Variants in EXOC4 observed in about 807,000 individuals in gnomAD.
EXOC4 encodes the protein SEC8-like 1.
A neutral mutation model predicts 107.2 loss-of-function variants in EXOC4; 71 were observed. That is an observed-to-expected ratio of 0.66 (90% confidence interval 0.55 to 0.81). The LOEUF (loss-of-function observed/expected upper bound fraction) is 0.81, where lower values mean the gene tolerates loss of function less well. Among genes scored for constraint, EXOC4 ranks in the 30% least tolerant of loss-of-function variants. EXOC4 has a pLI of 0.00. For synonymous variants in EXOC4, 456 were observed against 441.2 expected, an observed-to-expected ratio of 1.03 and a Z score of -0.42; for missense variants, 1,108 against 1,189.6, an observed-to-expected ratio of 0.93 and a Z score of 1.01.
chr7:133,832,886 T>A (rs1351651750), intron 11 of EXOC4, among the ~76,000 whole-genome samples: 2 of 152,116 alleles, frequency 1.3e-5, no homozygotes, highest in Non-Finnish European at 2.9e-5. Context: ...AACAAGTATA[T>A]CACAATGGTA....
At chr7:133,418,834 C>T (rs1368337298) in intron 7 of EXOC4, among the ~76,000 whole-genome samples, 1 of 152,096 alleles carries the variant, frequency 6.6e-6, no homozygotes, top group Non-Finnish European at 1.5e-5. Context: ...TATTTTATAG[C>T]GAACTTCTAT....
chr7:133,698,969 C>CTG (rs10634387), intron 10 of EXOC4, among the ~76,000 whole-genome samples: 150,195 of 152,274 alleles, frequency 0.99, 74,119 homozygotes, highest in Middle Eastern at 1. Context: ...TCTTGTAAAA[C>CTG]TGCACTACCT....
chr7:133,543,999 T>C (rs1335253078), intron 9 of EXOC4, among the ~76,000 whole-genome samples: 1 of 152,176 alleles, frequency 6.6e-6, no homozygotes, highest in African/African-American at 2.4e-5. Context: ...TTTTGAATTA[T>C]TTCTTTCTGA....
chr7:133,492,546 G>A (rs1284593956), intron 9 of EXOC4, among the ~76,000 whole-genome samples: 3 of 152,112 alleles, frequency 2.0e-5, no homozygotes, highest in Non-Finnish European at 2.9e-5. Context: ...TCAGCAGTTT[G>A]TGATTACTCA....
At chr7:133,256,086 A>T (rs1795011633) in intron 1 of EXOC4, among the ~76,000 whole-genome samples, 2 of 151,308 alleles carry the variant, frequency 1.3e-5, no homozygotes, top group Admixed American at 6.6e-5. Context: ...GGTTCACACC[A>T]TTCTCCTGCC....
At chr7:133,669,782 G>A (rs980678995) in intron 10 of EXOC4, among the ~76,000 whole-genome samples, 3 of 152,194 alleles carry the variant, frequency 2.0e-5, no homozygotes, top group African/African-American at 7.2e-5. Context: ...TTCCACTCAT[G>A]TAAAGCTCCT....
At chr7:133,633,107 G>C (rs1802628685) in intron 10 of EXOC4, among the ~76,000 whole-genome samples, 1 of 152,120 alleles carries the variant, frequency 6.6e-6, no homozygotes, top group South Asian at 2.1e-4. Context: ...ATCCTTACCT[G>C]CAAGCTCCTC....
chr7:133,693,816 C>A (rs543172602), intron 10 of EXOC4, among the ~76,000 whole-genome samples: 1 of 152,148 alleles, frequency 6.6e-6, no homozygotes, highest in Non-Finnish European at 1.5e-5. Flanking sequence ...TAGGAAGACA[C>A]AACTAAGGTC....
At chr7:133,450,483 C>T (rs749396378) in intron 7 of EXOC4, among the ~76,000 whole-genome samples, 1 of 152,094 alleles carries the variant, frequency 6.6e-6, no homozygotes, top group Non-Finnish European at 1.5e-5. Context: ...TGAAATGTAT[C>T]TTTTCCTCAC....
chr7:134,042,147 A>C (rs1795535923), intron 17 of EXOC4, among the ~76,000 whole-genome samples: 1 of 152,188 alleles, frequency 6.6e-6, no homozygotes, highest in South Asian at 2.1e-4. Context: ...CTAGCCCAGG[A>C]GGATACCTGG....
chr7:133,521,986 G>GTT (rs201315803), intron 9 of EXOC4, among the ~76,000 whole-genome samples: 4 of 146,934 alleles, frequency 2.7e-5, no homozygotes, highest in African/African-American at 1.0e-4. Flanking sequence ...TGTGGATTCA[G>GTT]TTTTTTTTTT....
At chr7:133,462,983 G>C (rs1798630998) in intron 7 of EXOC4, among the ~76,000 whole-genome samples, 1 of 152,162 alleles carries the variant, frequency 6.6e-6, no homozygotes, top group East Asian at 1.9e-4. Flanking sequence ...GGACTTGTCA[G>C]AGGAATGAAA....
Position 133,917,584 on chromosome 7 carries a change from GGTATT to G in EXOC4, c.1876_1880del (p.Ile626ProfsTer16), listed in dbSNP as rs1799838928. 1 of 1,613,558 alleles carries G rather than the reference GGTATT, an allele frequency of 6.2e-7. No homozygotes were observed. Among genetic ancestry groups the G allele is most frequent in the Non-Finnish European group, 8.5e-7 (1 of 1,179,858 alleles). On this transcript the variant is annotated frameshift_variant and splice_region_variant, in exon 13 of 18. Coordinates refer to ENST00000253861, the MANE Select transcript of EXOC4 (RefSeq NM_021807.4). LOFTEE classifies it high-confidence loss of function. Reference sequence around the variant, plus strand: ...CTCTTTTCTATTGGCTGTGTTTAGGGGTATTGTCCAGTCAGAAGAAAAACTTGTCA... The same window carrying G: ...CTCTTTTCTATTGGCTGTGTTTAGGGGTCCAGTCAGAAGAAAAACTTGTCA...
chr7:133,628,622 A>T (rs1306573364), intron 9 of EXOC4, among the ~76,000 whole-genome samples: 1 of 152,212 alleles, frequency 6.6e-6, no homozygotes, highest in Non-Finnish European at 1.5e-5. Flanking sequence ...AAAGTGATAC[A>T]TCTTTTCACA....
At chr7:133,788,425 G>T in intron 10 of EXOC4, among the ~76,000 whole-genome samples, 1 of 151,342 alleles carries the variant, frequency 6.6e-6, no homozygotes, top group Admixed American at 6.6e-5. Flanking sequence ...CTATTGTCTT[G>T]GTCATCTCAG....
chr7:134,079,102 A>G, the EXOC4 span, among the ~76,000 whole-genome samples: 2 of 152,186 alleles, frequency 1.3e-5, no homozygotes, highest in Non-Finnish European at 2.9e-5. Context: ...GATGGAAGCA[A>G]TGTGACTCCT....
chr7:133,927,914 G>A (rs1040848188), intron 13 of EXOC4, among the ~76,000 whole-genome samples: 1 of 152,092 alleles, frequency 6.6e-6, no homozygotes, highest in African/African-American at 2.4e-5. Flanking sequence ...TAGGCATTTT[G>A]TTATTATATG....
chr7:133,432,726 A>C (rs1026170575), intron 7 of EXOC4, among the ~76,000 whole-genome samples: 3 of 152,234 alleles, frequency 2.0e-5, no homozygotes, highest in Non-Finnish European at 2.9e-5. Flanking sequence ...GTTTCTGCTA[A>C]TGCTACTACT....
intron 10 of EXOC4, among the ~76,000 whole-genome samples, chr7:133,671,489 C>T (rs1003812575): frequency 7.9e-5 from 12 of 152,100 alleles, no homozygotes; most frequent in African/African-American, 2.7e-4. Flanking sequence ...ATCACTTGAA[C>T]GGGGGAGTCA....
Sources: allele counts gnomAD v4.1 joint callset (sites outside exome capture counted in the v4.1 genomes callset), GRCh38; gene constraint gnomAD v4.1.1; transcripts MANE v1.5; gene names NCBI Gene and HGNC (gene_info 2026-07-23, HGNC 2026-07-21).